Variants in BPGM observed in about 807,000 individuals in gnomAD.
BPGM encodes bisphosphoglycerate mutase.
BPGM carries 15 observed loss-of-function variants against 21.6 expected under a neutral mutation model. That is an observed-to-expected ratio of 0.70 (90% CI 0.47 to 1.07). The LOEUF is 1.07. Among genes scored for constraint, BPGM ranks in the 50% least tolerant of loss-of-function variants. The pLI, the probability that BPGM is intolerant of heterozygous loss-of-function variation, is 0.00. For missense variants in BPGM, 273 were observed against 319.0 expected, an observed-to-expected ratio of 0.86 and a Z score of 1.10; for synonymous variants, 113 against 116.2, an observed-to-expected ratio of 0.97 and a Z score of 0.18.
Position 134,662,023 on chromosome 7 carries a change from G to A in BPGM, c.516G>A (p.Arg172=). The A allele has an allele frequency of 1.2e-6, 2 of 1,614,164 alleles. No individual in the cohort carries two copies. The highest frequency in any genetic ancestry group is 1.7e-6 in the Non-Finnish European group (2 of 1,180,022). The change falls in exon 2 of 3, where the codon AGG becomes AGA. Residue 172 remains arginine, a synonymous_variant. Coordinates refer to ENST00000344924, the MANE Select transcript of BPGM (RefSeq NM_001724.5). The part of the protein sequence containing the change: ...LERLLPYWNE[R]IAPEVLRGKT... Reference sequence around the variant, plus strand: ...GACTCCTTCCCTATTGGAATGAAAGGATTGCTCCCGAAGTATTACGTGGCA... The same window carrying A: ...GACTCCTTCCCTATTGGAATGAAAGAATTGCTCCCGAAGTATTACGTGGCA...
intron 1 of BPGM, among the ~76,000 whole-genome samples, chr7:134,647,897 A>G (rs1795486668): frequency 6.6e-6 from 1 of 152,078 alleles, no homozygotes; most frequent in Non-Finnish European, 1.5e-5. Flanking sequence ...TACCGGGTTC[A>G]AGTGATTCTC....
intron 2 of BPGM, among the ~76,000 whole-genome samples, chr7:134,673,181 AAATAAT>A (rs1334522407): frequency 2.0e-5 from 3 of 152,140 alleles, no homozygotes; most frequent in African/African-American, 7.2e-5. Flanking sequence ...CTCAAAAAGA[AAATAAT>A]AATAATAAAA....
intron 2 of BPGM, among the ~76,000 whole-genome samples, chr7:134,662,503 CTTG>C (rs1171404104): frequency 6.6e-6 from 1 of 152,166 alleles, no homozygotes; most frequent in Non-Finnish European, 1.5e-5. Flanking sequence ...GACTGTATGG[CTTG>C]TTGTAGTGAA....
Position 134,661,011 on chromosome 7 carries a change from T to C in BPGM, c.-61-436T>C, listed in dbSNP as rs2131430177. ...TGTGAGACTGGTAAATACTTCTTTT[T>C]CCACCACAGGAAAACAAAGTGAAAA... is the stretch of plus-strand genomic sequence containing the variant. On this transcript the variant is annotated intron_variant, in intron 1 of 2. Coordinates refer to ENST00000344924, the MANE Select transcript of BPGM (RefSeq NM_001724.5). The surrounding 1 kb of genome is among the most constrained non-coding windows in gnomAD (Gnocchi z 4.6). 6.6e-6 allele frequency among the ~76,000 whole-genome samples: 1 copy of C among 152,332 alleles called. No homozygotes were observed. The highest frequency in any genetic ancestry group is 2.1e-4 in the South Asian group (1 of 4,832).
Position 134,665,312 on chromosome 7 carries a change from T to C in BPGM, c.601+3204T>C, listed in dbSNP as rs1421773763. 7.0e-4 allele frequency among the ~76,000 whole-genome samples: 20 copies of C among 28,428 alleles called. 4 individuals are homozygous for C. Among genetic ancestry groups the C allele is most frequent in the Admixed American group, 6.5e-3 (19 of 2,944 alleles). 18.6% of individuals were successfully genotyped at this position (28,428 alleles called of 152,430 possible). A position where few individuals can be genotyped will look rare whatever the true frequency, so the allele number is the denominator to read the frequency against. ...AAAAATGATGAGTTCATATCCTTTG[T>C]AGGGACATGGATGAAATTGGAAACC... On this transcript the variant is annotated intron_variant, in intron 2 of 2. Transcript: ENST00000344924.
intron 2 of BPGM, among the ~76,000 whole-genome samples, chr7:134,666,132 A>T (rs751811743): frequency 6.6e-6 from 1 of 152,106 alleles, no homozygotes; most frequent in African/African-American, 2.4e-5. Context: ...TACCCACCTC[A>T]ACCTCCCAAA....
chr7:134,675,652 G>T (rs1477401273), intron 2 of BPGM, among the ~76,000 whole-genome samples: 1 of 152,100 alleles, frequency 6.6e-6, no homozygotes, highest in Non-Finnish European at 1.5e-5. Context: ...TTGAAATCAG[G>T]AACTATGAGT....
chr7:134,661,386 T>A lies in BPGM; in HGVS notation c.-61-61T>A. Reference sequence around the variant, plus strand: ...TTAGAAATTGGGTGTTGTAAAGCGATGTTTCTATTCCTAGATTGTCAGTTG... The same window carrying A: ...TTAGAAATTGGGTGTTGTAAAGCGAAGTTTCTATTCCTAGATTGTCAGTTG... On this transcript the variant is annotated intron_variant, in intron 1 of 2. Transcript: ENST00000344924. The surrounding 1 kb of genome is among the most constrained non-coding windows in gnomAD (Gnocchi z 4.6). The A allele has an allele frequency of 2.8e-6, 4 of 1,435,774 alleles. No individual in the cohort carries two copies. The highest frequency in any genetic ancestry group is 3.9e-6 in the Non-Finnish European group (4 of 1,032,982). 88.9% of individuals were successfully genotyped at this position (1,435,774 alleles called of 1,614,324 possible).
chr7:134,675,358 T>C (rs892208273), intron 2 of BPGM, among the ~76,000 whole-genome samples: 1 of 152,194 alleles, frequency 6.6e-6, no homozygotes, highest in Non-Finnish European at 1.5e-5. Context: ...TATGGCTTTT[T>C]TTCTAAAAAT....
intron 1 of BPGM, among the ~76,000 whole-genome samples, chr7:134,648,769 T>A (rs1795510284): frequency 1.3e-5 from 2 of 152,184 alleles, no homozygotes; most frequent in Admixed American, 1.3e-4. Flanking sequence ...AACCTCCACC[T>A]CTGCCTCCTG....
At chr7:134,660,400 G>A (rs1446499626) in intron 1 of BPGM, 1 of 152,416 alleles carries the variant, frequency 6.6e-6, no homozygotes, top group Non-Finnish European at 1.5e-5. Flanking sequence ...CCAAGCATGT[G>A]TCAGTGCAGA....
At chr7:134,664,660 G>A (rs957063903) in intron 2 of BPGM, among the ~76,000 whole-genome samples, 1 of 152,126 alleles carries the variant, frequency 6.6e-6, no homozygotes, top group African/African-American at 2.4e-5. Flanking sequence ...TAAACCTGCA[G>A]AGCAGCATTA....
Position 134,679,349 on chromosome 7 carries a change from A to G in BPGM, c.*318A>G. 1 of 334,824 alleles carries G rather than the reference A, an allele frequency of 3.0e-6. No individual in the cohort carries two copies. The highest frequency in any genetic ancestry group is 4.5e-5 in the Admixed American group (1 of 22,036). The allele number at this position is 334,824 out of a possible 1,614,324, so 20.7% of individuals were successfully genotyped here. A position where few individuals can be genotyped will look rare whatever the true frequency, so the allele number is the denominator to read the frequency against. On this transcript the variant is annotated 3_prime_UTR_variant, in exon 3 of 3. Coordinates refer to ENST00000344924, the MANE Select transcript of BPGM (RefSeq NM_001724.5). ...AGAGATGAAGTTAAAGGTATTTATC[A>G]TTCAAGAAATCATTATTGAGTCACC...
At chr7:134,672,484 G>T (rs1028101810) in intron 2 of BPGM, among the ~76,000 whole-genome samples, 1 of 152,134 alleles carries the variant, frequency 6.6e-6, no homozygotes, top group African/African-American at 2.4e-5. Flanking sequence ...GGCTGCTAGG[G>T]TCCAGAAATT....
At chr7:134,667,533 C>G (rs1795838781) in intron 2 of BPGM, among the ~76,000 whole-genome samples, 1 of 152,114 alleles carries the variant, frequency 6.6e-6, no homozygotes, top group East Asian at 1.9e-4. Context: ...TAGTGAGACC[C>G]CATTTTAGAA....
chr7:134,648,148 G>GT (rs1554409887), intron 1 of BPGM, among the ~76,000 whole-genome samples: 5 of 144,422 alleles, frequency 3.5e-5, no homozygotes, highest in South Asian at 2.2e-4. Context: ...TTTTTGTTTT[G>GT]TTTTCAGACG....
chr7:134,657,832 G>T (rs997975610), intron 1 of BPGM, among the ~76,000 whole-genome samples: 4 of 152,166 alleles, frequency 2.6e-5, no homozygotes, highest in Non-Finnish European at 5.9e-5. Flanking sequence ...GCATTATGGG[G>T]ATTAGAGGGT....
chr7:134,653,294 G>A (rs1795584839), intron 1 of BPGM, among the ~76,000 whole-genome samples: 2 of 152,156 alleles, frequency 1.3e-5, no homozygotes, highest in African/African-American at 4.8e-5. Flanking sequence ...TACAGAAAAA[G>A]TTGCTAACAT....
rs1209699437 is a variant in BPGM at position 134,674,133 on chromosome 7, G to A, written c.602-4720G>A. 2.0e-5 allele frequency among the ~76,000 whole-genome samples: 3 copies of A among 151,894 alleles called. 1 individual carries two copies. Among genetic ancestry groups the A allele is most frequent in the Admixed American group, 2.0e-4 (3 of 15,248 alleles). On this transcript the variant is annotated intron_variant, in intron 2 of 2. Transcript: ENST00000344924. ...TCACCATGTTGCCCAGGCTGGTCTT[G>A]AACTCCTGACCTCAAGTGATCCACC...
Sources: gnomAD v4.1 joint callset for allele counts (sites outside exome capture counted in the v4.1 genomes callset) on GRCh38, gnomAD v4.1.1 for gene constraint, Gnocchi (gnomAD v3.1) non-coding constraint, MANE v1.5 for transcripts, NCBI Gene and HGNC (gene_info 2026-07-23, HGNC 2026-07-21) for gene names.